The following GHR variants were observed in gnomAD, a reference collection of about 807,000 sequenced individuals.
The protein encoded by GHR is growth hormone receptor.
GHR carries 35 observed loss-of-function variants against 67.1 expected under a neutral mutation model. The observed-to-expected ratio is 0.52, with a 90% CI of 0.40 to 0.69. The LOEUF (loss-of-function observed/expected upper bound fraction) is 0.69, where lower values mean the gene tolerates loss of function less well. Among genes scored for constraint, GHR ranks in the 30% least tolerant of loss-of-function variants. GHR has a pLI of 0.00. For synonymous variants in GHR, 272 were observed against 269.1 expected (o/e 1.01, Z -0.10); for missense variants, 792 against 764.6 (o/e 1.04, Z -0.42).
intron 1 of GHR, chr5:42,465,763 T>G: frequency 1.1e-6 from 1 of 893,738 alleles, no homozygotes; most frequent in African/African-American, 1.6e-5. Context: ...GAGAATCAAA[T>G]CCATCTCCTT....
At chr5:42,549,843 G>A (rs372392885) in intron 1 of GHR, 26 of 216,820 alleles carry the variant, frequency 1.2e-4, no homozygotes, top group Non-Finnish European at 2.0e-4. Flanking sequence ...AGATTCTAAC[G>A]AGGATTATTT....
chr5:42,622,756 A>G (rs1753513496), intron 2 of GHR, among the ~76,000 whole-genome samples: 1 of 152,280 alleles, frequency 6.6e-6, no homozygotes, highest in Middle Eastern at 3.4e-3. Context: ...CAGAACATTG[A>G]TTCTCCTACT....
intron 2 of GHR, among the ~76,000 whole-genome samples, chr5:42,587,672 G>GTT (rs1006888637): frequency 1.4e-5 from 2 of 145,554 alleles, no homozygotes; most frequent in Non-Finnish European, 1.5e-5. Context: ...GGTTTTTTTT[G>GTT]TTTTTTTTTT....
intron 2 of GHR, among the ~76,000 whole-genome samples, chr5:42,626,349 C>A (rs1279048674): frequency 6.6e-6 from 1 of 152,148 alleles, no homozygotes; most frequent in Non-Finnish European, 1.5e-5. Flanking sequence ...CCTCCCCCTC[C>A]GGTTTGATAA....
chr5:42,434,821 T>G (rs1347683042), intron 1 of GHR, among the ~76,000 whole-genome samples: 1 of 152,216 alleles, frequency 6.6e-6, no homozygotes, highest in Non-Finnish European at 1.5e-5. Flanking sequence ...GGCAGATGCC[T>G]GTTGAGATGT....
At chr5:42,623,817 T>G (rs2112723407) in intron 2 of GHR, among the ~76,000 whole-genome samples, 1 of 152,344 alleles carries the variant, frequency 6.6e-6, no homozygotes, top group South Asian at 2.1e-4. Context: ...ATGGAGTCCT[T>G]GCAGATCATA....
chr5:42,667,212 A>G (rs1348281751), intron 3 of GHR, among the ~76,000 whole-genome samples: 1 of 151,898 alleles, frequency 6.6e-6, no homozygotes, highest in Non-Finnish European at 1.5e-5. Context: ...TCCCTGGGAG[A>G]CCCCAGGAAG....
At chr5:42,561,450 A>G (rs1749601428) in intron 1 of GHR, among the ~76,000 whole-genome samples, 1 of 152,192 alleles carries the variant, frequency 6.6e-6, no homozygotes, top group Non-Finnish European at 1.5e-5. Flanking sequence ...CTTTGCCTGG[A>G]GTTGGTTATA....
At chr5:42,546,901 CA>C (rs1180542088) in intron 1 of GHR, among the ~76,000 whole-genome samples, 1 of 152,030 alleles carries the variant, frequency 6.6e-6, no homozygotes, top group Non-Finnish European at 1.5e-5. Context: ...AAAGATGAAA[CA>C]GGGGCAGAGG....
At chr5:42,476,355 G>T in intron 1 of GHR, among the ~76,000 whole-genome samples, 1 of 151,264 alleles carries the variant, frequency 6.6e-6, no homozygotes, top group East Asian at 2.0e-4. Flanking sequence ...GAGTAGCTGG[G>T]ATTACAGGCA....
At chr5:42,478,541 G>T (rs1459905663) in intron 1 of GHR, among the ~76,000 whole-genome samples, 1 of 152,102 alleles carries the variant, frequency 6.6e-6, no homozygotes, top group Non-Finnish European at 1.5e-5. Context: ...CCATTTGTTT[G>T]TATCCTCTTT....
At chr5:42,679,046 CA>C (rs1375462012) in intron 3 of GHR, among the ~76,000 whole-genome samples, 5 of 142,856 alleles carry the variant, frequency 3.5e-5, no homozygotes, top group African/African-American at 1.3e-4. Flanking sequence ...TTTATATTAA[CA>C]ATATGTAAAC....
intron 3 of GHR, among the ~76,000 whole-genome samples, chr5:42,658,976 G>C (rs1755410543): frequency 6.6e-6 from 1 of 152,070 alleles, no homozygotes; most frequent in Non-Finnish European, 1.5e-5. Flanking sequence ...TTCTAATTTT[G>C]AGGCATATTT....
intron 1 of GHR, among the ~76,000 whole-genome samples, chr5:42,441,587 G>T (rs1344297498): frequency 1.3e-5 from 2 of 151,902 alleles, no homozygotes; most frequent in Non-Finnish European, 2.9e-5. Context: ...TTGGCTCACT[G>T]CAAGCTCCGC....
chr5:42,534,442 ATGTG>A, intron 1 of GHR, among the ~76,000 whole-genome samples: 5 of 140,638 alleles, frequency 3.6e-5, no homozygotes, highest in African/African-American at 1.1e-4. Context: ...ACATGTGTAT[ATGTG>A]TATATATGTA....
chr5:42,507,400 T>A (rs1746825064), intron 1 of GHR, among the ~76,000 whole-genome samples: 1 of 152,238 alleles, frequency 6.6e-6, no homozygotes, highest in Non-Finnish European at 1.5e-5. Flanking sequence ...GTTAGTATAT[T>A]CACCCAGACT....
chr5:42,553,776 C>T (rs1043855283), intron 1 of GHR, among the ~76,000 whole-genome samples: 9 of 152,110 alleles, frequency 5.9e-5, no homozygotes, highest in African/African-American at 1.9e-4. Context: ...GAAATATTGT[C>T]GTTGAGTGAT....
At chr5:42,437,520 A>C (rs1043614710) in intron 1 of GHR, among the ~76,000 whole-genome samples, 9 of 148,762 alleles carry the variant, frequency 6.0e-5, no homozygotes, top group East Asian at 3.9e-4. Flanking sequence ...CTCTCTTCTT[A>C]TTATTTTTAT....
At chr5:42,505,127 T>TTG (rs1361347042) in intron 1 of GHR, among the ~76,000 whole-genome samples, 1 of 151,602 alleles carries the variant, frequency 6.6e-6, no homozygotes, top group African/African-American at 2.4e-5. Context: ...TGACTGTTTT[T>TTG]TTTTTTTTTT....
Sources: gnomAD v4.1 joint callset for allele counts (sites outside exome capture counted in the v4.1 genomes callset) on GRCh38, gnomAD v4.1.1 for gene constraint, MANE v1.5 for transcripts, NCBI Gene and HGNC (gene_info 2026-07-23, HGNC 2026-07-21) for gene names.